MUC5AC: variants seen among roughly 807,000 people sequenced by gnomAD.
MUC5AC encodes mucin-5AC.
A neutral mutation model predicts 169.7 loss-of-function variants in MUC5AC; 158 were observed. The observed-to-expected ratio is 0.93, with a 90% CI of 0.82 to 1.06. MUC5AC has a LOEUF of 1.06. Ranked by LOEUF, MUC5AC falls within the 50% of genes least tolerant of loss-of-function variation. The pLI is 0.00. For missense variants in MUC5AC, 4,359 were observed against 3,089.9 expected (o/e 1.41, Z -9.74); for synonymous variants, 1,975 against 1,237.0 (o/e 1.60, Z -12.52).
intron 1 of MUC5AC, 149 bp from the exon 2 acceptor site, chr11:1,160,463 C>T (rs963414868): frequency 3.1e-6 from 2 of 639,344 alleles, no homozygotes; most frequent in Non-Finnish European, 5.6e-6. Flanking sequence ...AGGACCCCCC[C>T]AACCCAGCAC....
intron 11 of MUC5AC, among the ~76,000 whole-genome samples, chr11:1,166,312 C>T (rs1432687102): frequency 2.3e-5 from 3 of 132,222 alleles, no homozygotes; most frequent in African/African-American, 5.9e-5. Flanking sequence ...AACACACAGT[C>T]TCCCACGATG....
chr11:1,190,414 C>A lies in MUC5AC; in HGVS notation c.12269C>A (p.Thr4090Asn). The change falls in exon 31 of 49, where the codon ACC (threonine) becomes AAC (asparagine). Residue 4090 changes from threonine (T) to asparagine (N), a missense_variant. Transcript: ENST00000621226. Reference protein sequence around the residue: ...STSSWQKSRTTTLVTTSTTST... With the variant: ...STSSWQKSRTNTLVTTSTTST... ...TCCTCTTGGCAGAAATCCAGGACAA[C>A]CACTTTGGTGACAACCAGCACAACC... 1.5e-6 allele frequency: 1 copy of A among 665,730 alleles called. No individual in the cohort carries two copies. 41.2% of individuals were successfully genotyped at this position (665,730 alleles called of 1,614,324 possible). A position where few individuals can be genotyped will look rare whatever the true frequency, so the allele number is the denominator to read the frequency against.
At chr11:1,171,944 C>T (rs1286025724) in intron 15 of MUC5AC, among the ~76,000 whole-genome samples, 1 of 71,778 alleles carries the variant, frequency 1.4e-5, no homozygotes, top group Admixed American at 1.9e-4. Flanking sequence ...TCCACTCATT[C>T]ACTCACTCAC....
chr11:1,195,306 G>A (rs988542079), intron 36 of MUC5AC, 27 bp downstream of exon 36: 6 of 750,058 alleles, frequency 8.0e-6, no homozygotes, highest in Non-Finnish European at 1.5e-5. Flanking sequence ...AGGGAGGGAG[G>A]GTCAGTGTGG....
In MUC5AC at chr11:1,195,925, GGCT is replaced by G; in HGVS notation, c.15511_15513del (p.Cys5171del). On this transcript the variant is annotated inframe_deletion, in exon 37 of 49. Coordinates refer to ENST00000621226, the MANE Select transcript of MUC5AC (RefSeq NM_001304359.2). ...GATCCCCCCACTGCTGTTCTATGAGGGCTGCGTCTTTGACCGGTGCCACATGAC... is the reference window on the plus strand; with the variant it reads ...GATCCCCCCACTGCTGTTCTATGAGGGCGTCTTTGACCGGTGCCACATGAC... 1.3e-6 allele frequency: 1 copy of G among 765,028 alleles called. No homozygotes were observed. Among genetic ancestry groups the G allele is most frequent in the Non-Finnish European group, 2.4e-6 (1 of 417,812 alleles). The allele number at this position is 765,028 out of a possible 1,614,324, so 47.4% of individuals were successfully genotyped here. A position where few individuals can be genotyped will look rare whatever the true frequency, so the allele number is the denominator to read the frequency against.
chr11:1,160,799 G>A, intron 2 of MUC5AC, 110 bp downstream of exon 2: 8 of 1,117,610 alleles, frequency 7.2e-6, no homozygotes, highest in Non-Finnish European at 1.0e-5. Context: ...GCTGGCCACT[G>A]CTGAGGACCA....
Position 1,189,086 on chromosome 11 carries a change from C to A in MUC5AC, c.10941C>A (p.Ser3647Arg). The A allele has an allele frequency of 3.2e-6, 2 of 617,838 alleles. No homozygotes were observed. Among genetic ancestry groups the A allele is most frequent in the East Asian group, 5.3e-5 (2 of 38,022 alleles). 38.3% of individuals were successfully genotyped at this position (617,838 alleles called of 1,614,324 possible). A position where few individuals can be genotyped will look rare whatever the true frequency, so the allele number is the denominator to read the frequency against. ...GGAGAGCCACCAGCCCAACTCAGAG[C>A]ACCTCCTCTTGGCAGAAATCCAGGA... ...PSGRATSPTQ[S>R]TSSWQKSRTT... Residue 3647 changes from serine (S) to arginine (R), a missense_variant, in exon 31 of 49, where the codon AGC becomes AGA. Physicochemically the swap from Ser to Arg is moderately radical, Grantham distance 110 (BLOSUM62 -1). Coordinates refer to ENST00000621226, the MANE Select transcript of MUC5AC (RefSeq NM_001304359.2).
intron 36 of MUC5AC, 112 bp from the exon 37 acceptor site, chr11:1,195,764 C>A: frequency 1.6e-6 from 1 of 610,202 alleles, no homozygotes; most frequent in South Asian, 1.8e-5. Context: ...ACACCAGTGG[C>A]TGCTCTGGGA....
Position 1,193,583 on chromosome 11 carries a change from G to A in MUC5AC, c.14679G>A (p.Lys4893=). The A allele has an allele frequency of 2.6e-6, 2 of 765,000 alleles. No individual in the cohort carries two copies. The highest frequency in any genetic ancestry group is 4.8e-6 in the Non-Finnish European group (2 of 417,828). 47.4% of individuals were successfully genotyped at this position (765,000 alleles called of 1,614,324 possible). Residue 4893 remains lysine (K), a synonymous_variant, in exon 33 of 49, where the codon AAG becomes AAA. Transcript: ENST00000621226. ...CGCGCACGTGCCCGAGGGTGGAGAA[G>A]CCCACTTGTGCCAACGGCTACCCGG... The part of the protein sequence containing the change: ...LRPRTCPRVE[K]PTCANGYPAV...
At chr11:1,170,751 A>G (rs1860488819) in intron 15 of MUC5AC, among the ~76,000 whole-genome samples, 1 of 129,808 alleles carries the variant, frequency 7.7e-6, no homozygotes. Context: ...TCACCCATTC[A>G]CTCACTCGCC....
At chr11:1,167,543 A>G (rs1231451810) in intron 11 of MUC5AC, among the ~76,000 whole-genome samples, 2 of 152,234 alleles carry the variant, frequency 1.3e-5, no homozygotes, top group Non-Finnish European at 2.9e-5. Context: ...TCACGCAGAC[A>G]GCTCCACTGC....
chr11:1,169,825 T>C (rs1410387773), intron 15 of MUC5AC, among the ~76,000 whole-genome samples: 23 of 104,202 alleles, frequency 2.2e-4, no homozygotes, highest in East Asian at 3.5e-4. Flanking sequence ...CACTCACCCA[T>C]TCACCCACTC....
Position 1,200,875 on chromosome 11 carries a change from G to C in MUC5AC, c.*173G>C, listed in dbSNP as rs1428484408. The C allele has an allele frequency of 1.4e-5, 7 of 512,328 alleles. No homozygotes were observed. Among genetic ancestry groups the C allele is most frequent in the African/African-American group, 5.7e-5 (3 of 52,676 alleles). 31.7% of individuals were successfully genotyped at this position (512,328 alleles called of 1,614,324 possible). On this transcript the variant is annotated 3_prime_UTR_variant, in exon 49 of 49. Transcript: ENST00000621226. ...GGCTATGGGTCACCTGCTGCCTGGA[G>C]GAGGGGCCCTTACCCACCCCGCCTG...
intron 1 of MUC5AC, among the ~76,000 whole-genome samples, chr11:1,158,373 C>G (rs1041713490): frequency 6.6e-6 from 1 of 152,190 alleles, no homozygotes; most frequent in African/African-American, 2.4e-5. Context: ...CCCCAGAAGC[C>G]GACAGCACCT....
chr11:1,179,331 G>A (rs1860757811), intron 26 of MUC5AC, 83 bp downstream of exon 26: 4 of 332,438 alleles, frequency 1.2e-5, no homozygotes, highest in Middle Eastern at 6.4e-4. Flanking sequence ...TGCGTGGGGT[G>A]TGTGGGGCGG....
rs370031307 is a variant in MUC5AC at position 1,164,252 on chromosome 11, C to T, written c.936C>T (p.Ala312=). The T allele has an allele frequency of 1.8e-4, 298 of 1,612,640 alleles. 2 individuals carry two copies. The African/African-American group carries it at 3.4e-3, about 19-fold the overall frequency. The change falls in exon 8 of 49, where the codon GCC becomes GCT. Residue 312 remains alanine, a synonymous_variant. Coordinates refer to ENST00000621226, the MANE Select transcript of MUC5AC (RefSeq NM_001304359.2). ...TCAGCTGCGTCTGCCACACCCTTGC[C>T]GAGTACTCCCGGCAGTGCACCCATG... ...DLLSCVCHTL[A]EYSRQCTHAG...
intron 16 of MUC5AC, among the ~76,000 whole-genome samples, 172 bp from the exon 17 acceptor site, chr11:1,174,324 A>G (rs1433296860): frequency 6.6e-6 from 1 of 152,266 alleles, no homozygotes; most frequent in African/African-American, 2.4e-5. Flanking sequence ...TGACATGCCA[A>G]GCAATTCTGC....
chr11:1,159,853 CGGGGCTGTGT>C (rs150410096), intron 1 of MUC5AC, among the ~76,000 whole-genome samples: 9 of 27,910 alleles, frequency 3.2e-4, no homozygotes, highest in South Asian at 2.4e-3. Context: ...TGGTTCTGTG[CGGGGCTGTGT>C]GGGGCTGTGT....
intron 15 of MUC5AC, chr11:1,169,252 C>A: frequency 1.2e-6 from 1 of 840,696 alleles, no homozygotes; most frequent in Non-Finnish European, 1.4e-6. Context: ...GGGTACAAGT[C>A]TCTGTTGGTC....
Sources: gnomAD v4.1 joint callset for allele counts (sites outside exome capture counted in the v4.1 genomes callset) on GRCh38, gnomAD v4.1.1 for gene constraint, MANE v1.5 for transcripts, NCBI Gene and HGNC (gene_info 2026-07-23, HGNC 2026-07-21) for gene names.